The following RABGAP1L variants were observed in gnomAD, a reference collection of about 807,000 sequenced individuals.
RABGAP1L encodes the protein rab GTPase-activating protein 1-like.
In RABGAP1L, 63 loss-of-function variants were observed where a neutral mutation model predicts 137.7. The observed-to-expected ratio is 0.46, with a 90% confidence interval of 0.37 to 0.56. RABGAP1L has a LOEUF of 0.56. Ranked by LOEUF, RABGAP1L falls within the 20% of genes least tolerant of loss-of-function variation. The pLI is 0.00. For missense variants in RABGAP1L, 1,095 were observed against 1,244.0 expected (o/e 0.88, Z 1.80); for synonymous variants, 431 against 433.7 (o/e 0.99, Z 0.08).
intron 19 of RABGAP1L, among the ~76,000 whole-genome samples, chr1:174,856,048 A>G (rs539946789): frequency 2.6e-5 from 4 of 152,328 alleles, no homozygotes; most frequent in African/African-American, 9.6e-5. Context: ...TGTTCATGCA[A>G]TGACTTATTT....
At chr1:174,864,220 G>C (rs1033381163) in intron 19 of RABGAP1L, among the ~76,000 whole-genome samples, 1 of 152,172 alleles carries the variant, frequency 6.6e-6, no homozygotes, top group African/African-American at 2.4e-5. Context: ...GAGTGGTGCT[G>C]TCATTTTGCA....
chr1:174,287,942 T>G (rs948629844), intron 10 of RABGAP1L, among the ~76,000 whole-genome samples: 1 of 152,194 alleles, frequency 6.6e-6, no homozygotes, highest in Non-Finnish European at 1.5e-5. Flanking sequence ...ATTTGGTGAC[T>G]TTTTGTGATG....
chr1:174,531,480 A>G (rs182379944), intron 13 of RABGAP1L, among the ~76,000 whole-genome samples: 5 of 152,344 alleles, frequency 3.3e-5, no homozygotes, highest in Admixed American at 3.3e-4. Flanking sequence ...AAATACATCA[A>G]GGATGTTTTC....
intron 15 of RABGAP1L, among the ~76,000 whole-genome samples, chr1:174,691,584 G>A (rs946013208): frequency 6.6e-6 from 1 of 152,116 alleles, no homozygotes; most frequent in Non-Finnish European, 1.5e-5. Context: ...ATATTTTAAT[G>A]TTTATCCCCT....
chr1:174,729,333 G>A (rs1313356072), intron 17 of RABGAP1L, among the ~76,000 whole-genome samples: 1 of 152,024 alleles, frequency 6.6e-6, no homozygotes. Context: ...AACTCAAGAA[G>A]GATTAAAGAT....
chr1:174,333,812 A>C (rs1558141222), intron 11 of RABGAP1L, among the ~76,000 whole-genome samples: 1 of 152,208 alleles, frequency 6.6e-6, no homozygotes, highest in Non-Finnish European at 1.5e-5. Context: ...AGCGTGGAAC[A>C]ACCCTATGTT....
chr1:174,268,759 G>C (rs538273835), intron 7 of RABGAP1L, among the ~76,000 whole-genome samples: 1 of 152,104 alleles, frequency 6.6e-6, no homozygotes, highest in Non-Finnish European at 1.5e-5. Flanking sequence ...ATTTGTTCTA[G>C]AGGTTAACTT....
At chr1:174,624,340 G>C (rs1041111901) in intron 13 of RABGAP1L, among the ~76,000 whole-genome samples, 13 of 151,720 alleles carry the variant, frequency 8.6e-5, no homozygotes, top group African/African-American at 2.9e-4. Flanking sequence ...AGTTTTTTTT[G>C]GCTGTTAGCA....
chr1:174,849,968 A>G (rs994468199), intron 19 of RABGAP1L: 7 of 725,486 alleles, frequency 9.6e-6, no homozygotes, highest in Non-Finnish European at 1.6e-5. Context: ...CAACATACAC[A>G]TCTTTTAGAA....
chr1:174,538,526 G>A (rs935213480), intron 13 of RABGAP1L, among the ~76,000 whole-genome samples: 1 of 151,996 alleles, frequency 6.6e-6, no homozygotes, highest in Non-Finnish European at 1.5e-5. Context: ...ACTAATCTAG[G>A]GACGTTTGTA....
intron 13 of RABGAP1L, among the ~76,000 whole-genome samples, chr1:174,623,777 A>G (rs182616554): frequency 4.1e-4 from 63 of 152,226 alleles, no homozygotes; most frequent in Non-Finnish European, 3.8e-4. Context: ...CATAAATAAC[A>G]TTGTTAGACT....
intron 13 of RABGAP1L, among the ~76,000 whole-genome samples, chr1:174,415,064 A>C (rs756905030): frequency 7.9e-5 from 12 of 152,112 alleles, no homozygotes; most frequent in Non-Finnish European, 1.3e-4. Context: ...TTGATACTGT[A>C]AAATCTTTTT....
In RABGAP1L at chr1:174,988,659, A is replaced by C; in HGVS notation, c.2824A>C (p.Lys942Gln). The change falls in exon 25 of 26, where the codon AAA becomes CAA. Residue 942 changes from lysine to glutamine, a missense_variant. This residue lies in a region of RABGAP1L where 312 missense variants were observed against 435.6 expected (regional missense o/e 0.72). Coordinates refer to ENST00000681986, the MANE Select transcript of RABGAP1L (RefSeq NM_001366446.1). ...ACTTTAGGGTAAGATGATGGCATGC[A>C]AACACTGCAGTGACATTTTCAGCAA... ...EVVKGKMMAC[K>Q]HCSDIFSKEG... The C allele has an allele frequency of 1.3e-6, 2 of 1,545,798 alleles. No homozygotes were observed. Among genetic ancestry groups the C allele is most frequent in the Non-Finnish European group, 1.7e-6 (2 of 1,144,962 alleles).
intron 17 of RABGAP1L, among the ~76,000 whole-genome samples, chr1:174,738,584 A>T (rs537269554): frequency 2.0e-5 from 3 of 152,138 alleles, no homozygotes; most frequent in Admixed American, 6.6e-5. Flanking sequence ...AACTTTTAAC[A>T]AATCTCTTTT....
intron 18 of RABGAP1L, among the ~76,000 whole-genome samples, chr1:174,811,347 G>A (rs1024573268): frequency 1.3e-5 from 2 of 152,168 alleles, no homozygotes; most frequent in African/African-American, 4.8e-5. Context: ...TTGAACTGCT[G>A]CTGTCATTAG....
intron 13 of RABGAP1L, among the ~76,000 whole-genome samples, chr1:174,512,325 T>C (rs941209180): frequency 1.3e-5 from 2 of 152,210 alleles, no homozygotes; most frequent in Non-Finnish European, 2.9e-5. Flanking sequence ...GTATTGCCAC[T>C]ATTATAGCCC....
At chr1:174,219,668 T>G (rs1427652785) in intron 2 of RABGAP1L, among the ~76,000 whole-genome samples, 1 of 152,192 alleles carries the variant, frequency 6.6e-6, no homozygotes, top group Non-Finnish European at 1.5e-5. Context: ...TCTTTATGAT[T>G]TTTATGTTTT....
intron 12 of RABGAP1L, among the ~76,000 whole-genome samples, chr1:174,373,292 T>A (rs924791745): frequency 2.6e-5 from 4 of 152,196 alleles, no homozygotes; most frequent in African/African-American, 9.7e-5. Flanking sequence ...CATGCTAAAC[T>A]TTTTAAACAG....
chr1:174,879,818 G>A (rs961506868), intron 19 of RABGAP1L, among the ~76,000 whole-genome samples: 1 of 152,126 alleles, frequency 6.6e-6, no homozygotes, highest in Admixed American at 6.5e-5. Context: ...TCAGCCAGGT[G>A]TGGTGGACCA....
Sources: allele counts gnomAD v4.1 joint callset (sites outside exome capture counted in the v4.1 genomes callset), GRCh38; gene constraint gnomAD v4.1.1; regional missense constraint gnomAD v4.1.1; transcripts MANE v1.5; gene names NCBI Gene and HGNC (gene_info 2026-07-23, HGNC 2026-07-21).